The following THSD7B variants were observed in gnomAD, a reference collection of about 807,000 sequenced individuals.
THSD7B encodes the protein thrombospondin type 1 domain containing 7B.
Under a neutral mutation model 213.6 loss-of-function variants are expected in THSD7B, and 138 were observed. The ratio of observed to expected loss-of-function variants is 0.65; its 90% confidence interval spans 0.56 to 0.74. THSD7B has a LOEUF of 0.74. Among genes scored for constraint, THSD7B ranks in the 30% least tolerant of loss-of-function variants. The pLI, the probability that THSD7B is intolerant of heterozygous loss-of-function variation, is 0.00. For synonymous variants in THSD7B, 742 were observed against 687.0 expected (o/e 1.08, Z -1.25); for missense variants, 1,931 against 1,991.5 (o/e 0.97, Z 0.58).
chr2:137,412,522 G>GC (rs1376167444), intron 14 of THSD7B, among the ~76,000 whole-genome samples: 1 of 31,178 alleles, frequency 3.2e-5, no homozygotes, highest in Non-Finnish European at 1.5e-4. Flanking sequence ...GCTTGAACCC[G>GC]GGGGGCAGAG....
chr2:137,120,951 A>G (rs951867513), intron 5 of THSD7B, among the ~76,000 whole-genome samples: 9 of 152,188 alleles, frequency 5.9e-5, no homozygotes, highest in Non-Finnish European at 1.2e-4. Flanking sequence ...TTCTCTCTAA[A>G]AATATAATGC....
chr2:136,974,334 T>C (rs1462838557), intron 2 of THSD7B, among the ~76,000 whole-genome samples: 2 of 152,292 alleles, frequency 1.3e-5, no homozygotes, highest in East Asian at 1.9e-4. Context: ...CTTTTCCTAA[T>C]GCTCTCCCTC....
intron 3 of THSD7B, among the ~76,000 whole-genome samples, chr2:137,066,905 C>T (rs1687393849): frequency 6.6e-6 from 1 of 151,978 alleles, no homozygotes; most frequent in African/African-American, 2.4e-5. Flanking sequence ...CTTTGAATTT[C>T]AGTTTTAGAA....
intron 12 of THSD7B, among the ~76,000 whole-genome samples, chr2:137,356,915 C>G (rs935825386): frequency 1.3e-5 from 2 of 150,764 alleles, no homozygotes; most frequent in Non-Finnish European, 3.0e-5. Context: ...CTGCTACTTT[C>G]AACTATCTCT....
At chr2:136,951,063 G>A (rs1487306682) in intron 2 of THSD7B, among the ~76,000 whole-genome samples, 1 of 152,164 alleles carries the variant, frequency 6.6e-6, no homozygotes. Flanking sequence ...TTGGTTCTCT[G>A]TGGTAGCATC....
At chr2:137,538,830 T>G (rs140582157) in intron 15 of THSD7B, among the ~76,000 whole-genome samples, 246 of 151,802 alleles carry the variant, frequency 1.6e-3, no homozygotes, top group African/African-American at 5.7e-3. Context: ...TGAAAAGATT[T>G]CTGACACGGA....
chr2:137,209,352 T>A (rs1278417740), intron 7 of THSD7B, among the ~76,000 whole-genome samples: 1 of 152,028 alleles, frequency 6.6e-6, no homozygotes, highest in Non-Finnish European at 1.5e-5. Flanking sequence ...GCACAAGGTG[T>A]CTCTCCCCAT....
At chr2:137,204,882 A>G (rs1297610617) in intron 7 of THSD7B, among the ~76,000 whole-genome samples, 1 of 152,126 alleles carries the variant, frequency 6.6e-6, no homozygotes, top group Non-Finnish European at 1.5e-5. Flanking sequence ...CACTGTTATA[A>G]CTAAGTAATA....
At chr2:137,379,572 G>A (rs1685729712) in intron 12 of THSD7B, among the ~76,000 whole-genome samples, 1 of 152,204 alleles carries the variant, frequency 6.6e-6, no homozygotes, top group South Asian at 2.1e-4. Flanking sequence ...AAGCAATTGG[G>A]ATATGGCAAG....
chr2:137,575,628 C>A (rs1271943151), intron 17 of THSD7B, among the ~76,000 whole-genome samples: 3 of 151,080 alleles, frequency 2.0e-5, no homozygotes, highest in Non-Finnish European at 3.0e-5. Context: ...ATGGATCAAG[C>A]AAAAACAAAT....
chr2:137,321,229 G>A (rs1289671210), intron 12 of THSD7B, among the ~76,000 whole-genome samples: 1 of 152,090 alleles, frequency 6.6e-6, no homozygotes, highest in Non-Finnish European at 1.5e-5. Flanking sequence ...AGAGTATTAT[G>A]TCTCTTATAG....
At chr2:137,502,055 G>T (rs1276860043) in intron 15 of THSD7B, among the ~76,000 whole-genome samples, 3 of 152,110 alleles carry the variant, frequency 2.0e-5, no homozygotes, top group African/African-American at 4.8e-5. Flanking sequence ...CAAGAAACTC[G>T]TAAGCCAATA....
chr2:137,451,488 T>G (rs757690338), intron 15 of THSD7B, among the ~76,000 whole-genome samples: 10 of 152,066 alleles, frequency 6.6e-5, no homozygotes, highest in Non-Finnish European at 1.5e-4. Context: ...ATCCTAATGT[T>G]TTTCATTCTC....
At chr2:136,965,673 C>A (rs1013591426) in intron 2 of THSD7B, among the ~76,000 whole-genome samples, 1 of 152,114 alleles carries the variant, frequency 6.6e-6, no homozygotes, top group Non-Finnish European at 1.5e-5. Context: ...CTGTTAGTCT[C>A]CCTCCTACTA....
At chr2:136,864,851 C>A (rs1379480863) in intron 1 of THSD7B, among the ~76,000 whole-genome samples, 1 of 152,184 alleles carries the variant, frequency 6.6e-6, no homozygotes, top group Non-Finnish European at 1.5e-5. Flanking sequence ...CGTGCCTGGC[C>A]TATTTTTATA....
chr2:137,074,147 T>G (rs892509413), intron 3 of THSD7B, among the ~76,000 whole-genome samples: 4 of 151,122 alleles, frequency 2.6e-5, no homozygotes, highest in African/African-American at 7.4e-5. Context: ...CCTTGTTAAC[T>G]TTCTGTCTCG....
At chr2:137,084,640 G>T (rs916578335) in intron 3 of THSD7B, among the ~76,000 whole-genome samples, 2 of 152,108 alleles carry the variant, frequency 1.3e-5, no homozygotes, top group African/African-American at 4.8e-5. Flanking sequence ...CTACCCTCCT[G>T]CTATCTCTTT....
intron 15 of THSD7B, among the ~76,000 whole-genome samples, chr2:137,555,294 A>T (rs1391818167): frequency 6.6e-6 from 1 of 152,174 alleles, no homozygotes; most frequent in Non-Finnish European, 1.5e-5. Flanking sequence ...GGCACCCCCT[A>T]GTAGGGGCAG....
intron 27 of THSD7B, 92 bp downstream of exon 27, chr2:137,667,953 T>A: frequency 9.7e-7 from 1 of 1,033,642 alleles, no homozygotes. Flanking sequence ...TTGCCCATTA[T>A]AACAGGATTC....
Sources: allele counts gnomAD v4.1 joint callset (sites outside exome capture counted in the v4.1 genomes callset), GRCh38; gene constraint gnomAD v4.1.1; transcripts MANE v1.5; gene names NCBI Gene and HGNC (gene_info 2026-07-23, HGNC 2026-07-21).